The following TECPR2 variants were observed in gnomAD, a reference collection of about 807,000 sequenced individuals.
TECPR2 encodes the protein tectonin beta-propeller repeat-containing protein 2.
A neutral mutation model predicts 138.1 loss-of-function variants in TECPR2; 65 were observed. The ratio of observed to expected loss-of-function variants is 0.47; its 90% CI spans 0.39 to 0.58. TECPR2 has a LOEUF of 0.58. Ranked by LOEUF, TECPR2 falls within the 20% of genes least tolerant of loss-of-function variation. The pLI, the probability that TECPR2 is intolerant of heterozygous loss-of-function variation, is 0.00. For synonymous variants in TECPR2, 746 were observed against 749.8 expected (o/e 0.99, Z 0.08); for missense variants, 1,553 against 1,824.5 (o/e 0.85, Z 2.71).
At chr14:102,426,174 C>A (rs888039550) in intron 6 of TECPR2, among the ~76,000 whole-genome samples, 8 of 152,024 alleles carry the variant, frequency 5.3e-5, no homozygotes, top group Non-Finnish European at 1.0e-4. Flanking sequence ...GCGTGAACCG[C>A]CGCGCCCGGC....
intron 17 of TECPR2, among the ~76,000 whole-genome samples, chr14:102,489,579 C>G (rs1413962600): frequency 6.6e-6 from 1 of 151,914 alleles, no homozygotes; most frequent in Non-Finnish European, 1.5e-5. Context: ...GTGGCAGGCC[C>G]CTGTAGTCCC....
At position 102,438,218 on chromosome 14, in the gene TECPR2, GCTCCCTGCTCCC is replaced by G. The variant is rs776083720; in HGVS notation, c.2578+14_2578+25del. 40 of 870,438 alleles carry G rather than the reference GCTCCCTGCTCCC, an allele frequency of 4.6e-5. No individual in the cohort carries two copies. The highest frequency in any genetic ancestry group is 5.5e-5 in the Non-Finnish European group (33 of 602,234). The allele number at this position is 870,438 out of a possible 1,614,324, so 53.9% of individuals were successfully genotyped here. A position where few individuals can be genotyped will look rare whatever the true frequency, so the allele number is the denominator to read the frequency against. Reference sequence around the variant, plus strand: ...GTCTCGCCCTCAGGTTCGCCTCCCCGCTCCCTGCTCCCGCTCCCTGCTCCCGCTCGCCGCTCC... The same window carrying G: ...GTCTCGCCCTCAGGTTCGCCTCCCCGGCTCCCTGCTCCCGCTCGCCGCTCC... On this transcript the variant is annotated intron_variant, in intron 10 of 19. Coordinates refer to ENST00000359520, the MANE Select transcript of TECPR2 (RefSeq NM_014844.5).
At chr14:102,381,431 G>A (rs558207137) in intron 2 of TECPR2, among the ~76,000 whole-genome samples, 7 of 152,304 alleles carry the variant, frequency 4.6e-5, no homozygotes, top group African/African-American at 1.2e-4. Context: ...AAAATTAGCC[G>A]GGAATAGTGG....
intron 16 of TECPR2, 83 bp from the exon 17 acceptor site, chr14:102,465,058 G>C: frequency 6.6e-7 from 1 of 1,519,132 alleles, no homozygotes. Flanking sequence ...CTTTGAAGTA[G>C]AAAATCAAAG....
Position 102,390,690 on chromosome 14 carries a change from G to A in TECPR2, c.219+13750G>A, listed in dbSNP as rs868476109. On this transcript the variant is annotated intron_variant, in intron 2 of 19. Transcript: ENST00000359520. ...GATATTTGTATCTGAAATGACTCAT[G>A]CTGTGGGACCCTTCCTGAGATCTAA... is the stretch of plus-strand genomic sequence containing the variant. Among the ~76,000 whole-genome samples the A allele has an allele frequency of 2.6e-5, 4 of 152,102 alleles. 1 individual carries two copies. The highest frequency in any genetic ancestry group is 6.8e-3 in the Middle Eastern group (2 of 294).
intron 17 of TECPR2, among the ~76,000 whole-genome samples, chr14:102,474,851 C>T (rs996359546): frequency 2.6e-5 from 4 of 152,056 alleles, no homozygotes; most frequent in African/African-American, 9.7e-5. Context: ...CTTCCCCCTG[C>T]CCCACACAAA....
intron 2 of TECPR2, among the ~76,000 whole-genome samples, chr14:102,403,941 A>AG (rs1205543530): frequency 5.3e-5 from 8 of 152,316 alleles, no homozygotes; most frequent in African/African-American, 1.9e-4. Context: ...TCTGTCACCT[A>AG]GGCTGGAGTG....
At chr14:102,469,915 C>T (rs1263360348) in intron 17 of TECPR2, among the ~76,000 whole-genome samples, 2 of 152,126 alleles carry the variant, frequency 1.3e-5, no homozygotes, top group African/African-American at 4.8e-5. Flanking sequence ...TATGTTGAAA[C>T]ACAGTTTCAT....
At chr14:102,431,725 G>C in intron 7 of TECPR2, 71 bp from the exon 8 acceptor site, 1 of 1,427,886 alleles carries the variant, frequency 7.0e-7, no homozygotes. Context: ...TTTAGGGCTA[G>C]CAAACGTGGA....
intron 17 of TECPR2, among the ~76,000 whole-genome samples, chr14:102,475,699 A>G (rs1192368325): frequency 6.6e-6 from 1 of 152,130 alleles, no homozygotes; most frequent in Non-Finnish European, 1.5e-5. Context: ...GCAAGATAAA[A>G]TTCACATGGG....
chr14:102,462,662 C>T (rs1361903233), intron 16 of TECPR2, among the ~76,000 whole-genome samples: 1 of 152,198 alleles, frequency 6.6e-6, no homozygotes, highest in Non-Finnish European at 1.5e-5. Flanking sequence ...TGCCCCTCTC[C>T]AGCAGCACCA....
intron 2 of TECPR2, among the ~76,000 whole-genome samples, chr14:102,386,161 C>A (rs1349719018): frequency 6.6e-6 from 1 of 151,786 alleles, no homozygotes; most frequent in African/African-American, 2.4e-5. Flanking sequence ...TGGAGAATCA[C>A]AAGGGAGGTA....
chr14:102,379,667 T>A (rs898205050), intron 2 of TECPR2, among the ~76,000 whole-genome samples: 2 of 143,100 alleles, frequency 1.4e-5, no homozygotes, highest in Non-Finnish European at 3.1e-5. Context: ...TTAAAATCCA[T>A]GCACAGAGGC....
In TECPR2 at chr14:102,498,772, C is replaced by A; in HGVS notation, c.*515C>A. ...CAGAGACAAAGCTGCAGAGCACATT[C>A]CATGCCAGACGCTCTGGCCAGGAAG... is the stretch of plus-strand genomic sequence containing the variant. On this transcript the variant is annotated 3_prime_UTR_variant, in exon 20 of 20. Coordinates refer to ENST00000359520, the MANE Select transcript of TECPR2 (RefSeq NM_014844.5). 1 of 499,018 alleles carries A rather than the reference C, an allele frequency of 2.0e-6. No individual in the cohort carries two copies. 30.9% of individuals were successfully genotyped at this position (499,018 alleles called of 1,614,324 possible).
chr14:102,443,224 T>G lies in TECPR2; in HGVS notation c.2753-423T>G, dbSNP rs1172610607. ...TGCTCTTGGCTTTTGTGTTCTTCTC[T>G]TAGAACTTCTTAAGCTACATTGGGA... On this transcript the variant is annotated intron_variant, in intron 11 of 19. Transcript: ENST00000359520. This position sits in a 1 kb window ranked among gnomAD's most constrained non-coding sequence, Gnocchi z 4.9. Among the ~76,000 whole-genome samples, 2 of 152,272 alleles carry G rather than the reference T, an allele frequency of 1.3e-5. No homozygotes were observed. The highest frequency in any genetic ancestry group is 2.9e-5 in the Non-Finnish European group (2 of 68,050).
chr14:102,377,569 G>C (rs1887673860), intron 2 of TECPR2, among the ~76,000 whole-genome samples: 1 of 152,134 alleles, frequency 6.6e-6, no homozygotes, highest in Non-Finnish European at 1.5e-5. Flanking sequence ...AGCTGGGCGT[G>C]GTGGCATGCA....
chr14:102,412,750 A>T (rs1888917736), intron 4 of TECPR2, among the ~76,000 whole-genome samples: 1 of 152,124 alleles, frequency 6.6e-6, no homozygotes, highest in African/African-American at 2.4e-5. Context: ...GGTTTCCTTG[A>T]GAGAACCACT....
intron 19 of TECPR2, 136 bp from the exon 20 acceptor site, chr14:102,497,967 G>A (rs933659172): frequency 8.1e-6 from 10 of 1,235,926 alleles, no homozygotes; most frequent in African/African-American, 4.4e-5. Flanking sequence ...AAGTTCACAT[G>A]GAGATGGTGG....
At chr14:102,385,190 T>G (rs993444276) in intron 2 of TECPR2, among the ~76,000 whole-genome samples, 2 of 152,038 alleles carry the variant, frequency 1.3e-5, no homozygotes, top group Non-Finnish European at 2.9e-5. Context: ...TTCACAAATT[T>G]GTGTGCCATC....
Sources: gnomAD v4.1 joint callset for allele counts (sites outside exome capture counted in the v4.1 genomes callset) on GRCh38, gnomAD v4.1.1 for gene constraint, Gnocchi (gnomAD v3.1) non-coding constraint, MANE v1.5 for transcripts, NCBI Gene and HGNC (gene_info 2026-07-23, HGNC 2026-07-21) for gene names.